The following DOCK8 variants were observed in gnomAD, a reference collection of about 807,000 sequenced individuals.
DOCK8 encodes dedicator of cytokinesis protein 8.
A neutral mutation model predicts 245.6 loss-of-function variants in DOCK8; 141 were observed. The ratio of observed to expected loss-of-function variants is 0.57; its 90% confidence interval spans 0.50 to 0.66. The LOEUF (loss-of-function observed/expected upper bound fraction) is 0.66, where lower values mean the gene tolerates loss of function less well. Ranked by LOEUF, DOCK8 falls within the 30% of genes least tolerant of loss-of-function variation. The pLI is 0.00. For synonymous variants in DOCK8, 1,168 were observed against 970.2 expected (o/e 1.20, Z -3.79); for missense variants, 2,965 against 2,603.4 (o/e 1.14, Z -3.02).
chr9:297,499 T>C (rs1295848628), intron 4 of DOCK8, among the ~76,000 whole-genome samples: 1 of 152,228 alleles, frequency 6.6e-6, no homozygotes, highest in Non-Finnish European at 1.5e-5. Flanking sequence ...GAGAATCATT[T>C]TTCTAGCCAT....
chr9:323,422 C>G (rs1586697643), intron 7 of DOCK8, among the ~76,000 whole-genome samples: 2 of 151,860 alleles, frequency 1.3e-5, no homozygotes, highest in Admixed American at 1.3e-4. Context: ...AGGGTTTCAC[C>G]GTGTTGGCCA....
At chr9:379,961 C>G (rs200641029) in intron 21 of DOCK8, 26 bp downstream of exon 21, 8 of 1,609,330 alleles carry the variant, frequency 5.0e-6, no homozygotes, top group Admixed American at 3.4e-5. Context: ...GTGTGGGACT[C>G]TGGTGGGCGG....
rs1586825605 is a variant in DOCK8, at chr9:371,309, A to G, written c.1869-119A>G. ...TTCCAGCTTCAGAGCAGAGTAATGTAAAATGAAAAGCAAAACACCAGGCAA... is the reference window on the plus strand; with the variant it reads ...TTCCAGCTTCAGAGCAGAGTAATGTGAAATGAAAAGCAAAACACCAGGCAA... On this transcript the variant is annotated intron_variant, in intron 16 of 47. Transcript: ENST00000432829. The G allele has an allele frequency of 7.4e-6, 9 of 1,216,650 alleles. No homozygotes were observed. In the East Asian group the frequency reaches 1.7e-4, roughly 23 times the overall value. 75.4% of individuals were successfully genotyped at this position (1,216,650 alleles called of 1,614,324 possible). A position where few individuals can be genotyped will look rare whatever the true frequency, so the allele number is the denominator to read the frequency against.
chr9:433,390 C>G (rs1436226092), intron 37 of DOCK8, among the ~76,000 whole-genome samples: 1 of 152,114 alleles, frequency 6.6e-6, no homozygotes, highest in Non-Finnish European at 1.5e-5. Flanking sequence ...ACTGCAGGCT[C>G]CCCTGGACCT....
chr9:452,912 T>G (rs2131893978), intron 46 of DOCK8: 1 of 152,310 alleles, frequency 6.6e-6, no homozygotes, highest in Non-Finnish European at 1.5e-5. Context: ...CCTATGGTCC[T>G]AAAAATATGA....
chr9:334,012 C>A (rs1205706481), intron 10 of DOCK8, among the ~76,000 whole-genome samples: 1 of 150,580 alleles, frequency 6.6e-6, no homozygotes, highest in Non-Finnish European at 1.5e-5. Flanking sequence ...TTTGTAAACT[C>A]CTCGTTTTTT....
intron 13 of DOCK8, among the ~76,000 whole-genome samples, chr9:339,581 C>G (rs1183182459): frequency 6.6e-6 from 1 of 152,178 alleles, no homozygotes; most frequent in African/African-American, 2.4e-5. Context: ...GTGGCACAAT[C>G]TCAGCTCACT....
At chr9:412,945 A>G (rs879934733) in intron 28 of DOCK8, among the ~76,000 whole-genome samples, 7 of 151,468 alleles carry the variant, frequency 4.6e-5, no homozygotes, top group Non-Finnish European at 1.0e-4. Flanking sequence ...GGGACCCAGT[A>G]TAGCCAAAAC....
intron 33 of DOCK8, among the ~76,000 whole-genome samples, chr9:425,659 A>G (rs1406365897): frequency 6.6e-6 from 1 of 151,928 alleles, no homozygotes; most frequent in East Asian, 1.9e-4. Context: ...TCAGGAGGCT[A>G]AGGCAGAGCA....
At chr9:232,550 A>G (rs1305551791) in intron 1 of DOCK8, among the ~76,000 whole-genome samples, 1 of 152,132 alleles carries the variant, frequency 6.6e-6, no homozygotes, top group Non-Finnish European at 1.5e-5. Context: ...TTGGTAAGCT[A>G]TTGATTATTG....
chr9:243,933 C>T (rs1166039001), intron 1 of DOCK8, among the ~76,000 whole-genome samples: 1 of 152,012 alleles, frequency 6.6e-6, no homozygotes, highest in Non-Finnish European at 1.5e-5. Flanking sequence ...GCCTGTAATC[C>T]CAGCACTTTG....
chr9:257,569 G>T (rs1457540651), intron 1 of DOCK8, among the ~76,000 whole-genome samples: 2 of 152,128 alleles, frequency 1.3e-5, no homozygotes, highest in Non-Finnish European at 2.9e-5. Context: ...CGACAGGCTG[G>T]AGTGCAGTGG....
chr9:336,733 T>C lies in DOCK8; in HGVS notation c.1422+15T>C. On this transcript the variant is annotated intron_variant, in intron 12 of 47. Transcript: ENST00000432829. Reference sequence around the variant, plus strand: ...TTTTCAAGCAGGTATCTCTTCACATTACAGTGTGTCTGGATTTTTCCCCAT... The same window carrying C: ...TTTTCAAGCAGGTATCTCTTCACATCACAGTGTGTCTGGATTTTTCCCCAT... 1 of 1,613,838 alleles carries C rather than the reference T, an allele frequency of 6.2e-7. No homozygotes were observed. Among genetic ancestry groups the C allele is most frequent in the Admixed American group, 1.7e-5 (1 of 60,014 alleles).
At chr9:258,851 G>C (rs1478155967) in intron 1 of DOCK8, among the ~76,000 whole-genome samples, 1 of 152,044 alleles carries the variant, frequency 6.6e-6, no homozygotes, top group South Asian at 2.1e-4. Context: ...GCCCGCCTTG[G>C]CCTCCCAAAG....
intron 44 of DOCK8, among the ~76,000 whole-genome samples, chr9:448,630 C>T (rs974538300): frequency 1.3e-5 from 2 of 152,182 alleles, no homozygotes; most frequent in Admixed American, 6.5e-5. Context: ...CTCTCCCTGA[C>T]CTGTGGACAG....
chr9:302,621 C>T (rs1355737399), intron 4 of DOCK8, among the ~76,000 whole-genome samples: 1 of 152,124 alleles, frequency 6.6e-6, no homozygotes, highest in African/African-American at 2.4e-5. Flanking sequence ...GTCTGATATC[C>T]AGAATCTATA....
At chr9:349,295 A>G (rs999871338) in intron 14 of DOCK8, among the ~76,000 whole-genome samples, 2 of 148,854 alleles carry the variant, frequency 1.3e-5, no homozygotes, top group Admixed American at 6.7e-5. Context: ...TCAACAACAG[A>G]AAGATTCTAA....
intron 24 of DOCK8, among the ~76,000 whole-genome samples, chr9:393,814 T>A (rs1318386310): frequency 6.6e-6 from 1 of 151,798 alleles, no homozygotes; most frequent in East Asian, 1.9e-4. Flanking sequence ...CAGGACAGAG[T>A]TTCCGTTGCC....
chr9:319,023 G>A (rs910225716), intron 7 of DOCK8, among the ~76,000 whole-genome samples: 4 of 152,210 alleles, frequency 2.6e-5, no homozygotes, highest in Non-Finnish European at 4.4e-5. Context: ...GAGGCCAAGT[G>A]TGGTGACTCA....
Sources: gnomAD v4.1 joint callset for allele counts (sites outside exome capture counted in the v4.1 genomes callset) on GRCh38, gnomAD v4.1.1 for gene constraint, MANE v1.5 for transcripts, NCBI Gene and HGNC (gene_info 2026-07-23, HGNC 2026-07-21) for gene names.